The following ITPR1 variants were observed in gnomAD, a reference collection of about 807,000 sequenced individuals.
The protein encoded by ITPR1 is inositol 1,4,5-trisphosphate-gated calcium channel ITPR1.
In ITPR1, 96 loss-of-function variants were observed where a neutral mutation model predicts 318.4. The ratio of observed to expected loss-of-function variants is 0.30; its 90% CI spans 0.26 to 0.36. ITPR1 has a LOEUF of 0.36. Among genes scored for constraint, ITPR1 ranks in the 10% least tolerant of loss-of-function variants. The pLI is 1.00. For missense variants in ITPR1, 2,440 were observed against 3,460.2 expected (o/e 0.71, Z 7.40); for synonymous variants, 1,312 against 1,289.9 (o/e 1.02, Z -0.37).
chr3:4,724,115 G>A (rs865892357), intron 40 of ITPR1, among the ~76,000 whole-genome samples: 3 of 152,036 alleles, frequency 2.0e-5, no homozygotes, highest in Non-Finnish European at 4.4e-5. Flanking sequence ...TCCCCACCCC[G>A]AGCAGGAGGC....
At chr3:4,801,736 C>G (rs1450040570) in intron 54 of ITPR1, among the ~76,000 whole-genome samples, 1 of 151,766 alleles carries the variant, frequency 6.6e-6, no homozygotes, top group African/African-American at 2.4e-5. Flanking sequence ...TGCACTCCAG[C>G]CTGGGTGACA....
chr3:4,613,542 G>C (rs2092254989), intron 4 of ITPR1, among the ~76,000 whole-genome samples: 1 of 152,126 alleles, frequency 6.6e-6, no homozygotes, highest in Non-Finnish European at 1.5e-5. Context: ...GTTTCCTGTG[G>C]GTGACGCAAA....
At chr3:4,674,410 A>G in intron 22 of ITPR1, 67 bp downstream of exon 22, 1 of 1,343,664 alleles carries the variant, frequency 7.4e-7, no homozygotes, top group South Asian at 1.4e-5. Context: ...TATGGGGCAA[A>G]TAGAAAATAT....
chr3:4,655,585 G>A (rs73108502), intron 12 of ITPR1, among the ~76,000 whole-genome samples: 1,792 of 152,290 alleles, frequency 0.012, 35 homozygotes, highest in African/African-American at 0.041. Context: ...CTGCACAGCA[G>A]TGTATAAAAG....
In ITPR1 at chr3:4,676,674, G is replaced by A. The variant is rs749154645; in HGVS notation, c.2840G>A (p.Arg947Gln). Residue 947 changes from arginine (R) to glutamine (Q), a missense_variant, in exon 24 of 62, where the codon CGG becomes CAG. Arg to Gln is a conservative substitution (Grantham distance 43). Around this residue, in one of 23 missense-constraint regions of ITPR1, gnomAD observed 478 missense variants for 696.3 expected, o/e 0.69. Coordinates refer to ENST00000649015, the MANE Select transcript of ITPR1 (RefSeq NM_001378452.1). The part of the protein sequence containing the change: ...VGELMTQVVL[R>Q]GGGFLPMTPM... ...GAGCTGATGACCCAGGTGGTGCTCC[G>A]GGGAGGAGGCTTTTTGCCCATGACT... The A allele has an allele frequency of 1.9e-6, 3 of 1,613,678 alleles. No individual in the cohort carries two copies. The highest frequency in any genetic ancestry group is 2.5e-6 in the Non-Finnish European group (3 of 1,179,754).
At chr3:4,555,746 ATAC>A (rs2086058646) in intron 4 of ITPR1, among the ~76,000 whole-genome samples, 1 of 152,214 alleles carries the variant, frequency 6.6e-6, no homozygotes, top group Non-Finnish European at 1.5e-5. Flanking sequence ...ATCATGAGCA[ATAC>A]TACAATTTAC....
chr3:4,780,089 T>C (rs1317334136), intron 49 of ITPR1, among the ~76,000 whole-genome samples: 3 of 151,926 alleles, frequency 2.0e-5, no homozygotes, highest in Non-Finnish European at 4.4e-5. Flanking sequence ...ACCTTAGACT[T>C]CTCTGAGCTG....
In ITPR1 at chr3:4,525,390, G is replaced by A. The variant is rs531907823; in HGVS notation, c.163+4296G>A. Among the ~76,000 whole-genome samples the A allele has an allele frequency of 2.6e-5, 4 of 152,220 alleles. No homozygotes were observed. The South Asian group carries it at 6.2e-4, about 24-fold the overall frequency. On this transcript the variant is annotated intron_variant, in intron 4 of 61. Transcript: ENST00000649015. ...AGAAGATATAGAAGAGTTCAACATC[G>A]AACACACTTGCTTTTTTTTCTCTGA... is the stretch of plus-strand genomic sequence containing the variant.
At chr3:4,712,924 T>G (rs1388876779) in intron 39 of ITPR1, among the ~76,000 whole-genome samples, 1 of 152,184 alleles carries the variant, frequency 6.6e-6, no homozygotes, top group Non-Finnish European at 1.5e-5. Context: ...GAACATAGGT[T>G]TCTGTAACTC....
intron 61 of ITPR1, among the ~76,000 whole-genome samples, chr3:4,839,341 G>A (rs1229778820): frequency 4.7e-5 from 7 of 150,352 alleles, no homozygotes; most frequent in Non-Finnish European, 7.4e-5. Context: ...AAAAAAAAAA[G>A]AATAGAGGTA....
intron 44 of ITPR1, among the ~76,000 whole-genome samples, chr3:4,761,085 T>C (rs985826669): frequency 6.6e-6 from 1 of 152,226 alleles, no homozygotes; most frequent in African/African-American, 2.4e-5. Flanking sequence ...TTATAGTCCT[T>C]TTCTACTCAC....
chr3:4,600,611 T>C (rs1342740735), intron 4 of ITPR1, among the ~76,000 whole-genome samples: 2 of 152,196 alleles, frequency 1.3e-5, no homozygotes, highest in East Asian at 3.8e-4. Flanking sequence ...ATGTGAATGT[T>C]TGTGTCTTCT....
At chr3:4,717,267 G>T in intron 39 of ITPR1, 100 bp from the exon 40 acceptor site, 1 of 1,037,622 alleles carries the variant, frequency 9.6e-7, no homozygotes, top group Non-Finnish European at 1.5e-6. Context: ...AGGCTTTAAG[G>T]AGAAACGTCA....
intron 61 of ITPR1, among the ~76,000 whole-genome samples, chr3:4,842,428 C>G (rs192312461): frequency 1.6e-4 from 24 of 152,296 alleles, no homozygotes; most frequent in African/African-American, 5.5e-4. Flanking sequence ...AGTGCAGTGG[C>G]ACGATCTCAG....
At position 4,674,325 on chromosome 3, in the gene ITPR1, G is replaced by C; in HGVS notation, c.2580G>C (p.Lys860Asn). The change falls in exon 22 of 62, where the codon AAG becomes AAC. Residue 860 changes from lysine to asparagine, a missense_variant. Transcript: ENST00000649015. ...CQRFPFSDKE[K>N]NKLTFEVVNL... is the part of the protein sequence containing the mutation. Reference sequence around the variant, plus strand: ...GGTTCCCTTTCTCTGATAAAGAGAAGAATAAGCTTACGTTTGAGGTAACTC... The same window carrying C: ...GGTTCCCTTTCTCTGATAAAGAGAACAATAAGCTTACGTTTGAGGTAACTC... 1 of 1,607,410 alleles carries C rather than the reference G, an allele frequency of 6.2e-7. No homozygotes were observed. The highest frequency in any genetic ancestry group is 8.5e-7 in the Non-Finnish European group (1 of 1,176,550).
chr3:4,737,563 G>A (rs111978894), intron 44 of ITPR1, among the ~76,000 whole-genome samples: 23 of 152,334 alleles, frequency 1.5e-4, no homozygotes, highest in African/African-American at 5.5e-4. Flanking sequence ...AAGGGCCTTG[G>A]ATGGGGGTTG....
chr3:4,768,690 G>T lies in ITPR1; in HGVS notation c.5905G>T (p.Ala1969Ser). Residue 1969 changes from alanine (A) to serine (S), a missense_variant, in exon 46 of 62, where the codon GCG becomes TCG. Transcript: ENST00000649015. The part of the protein sequence containing the change: ...DKAKDDLEMS[A>S]VITIMQPILR... ...GGCCAAGGACGACCTGGAGATGAGC[G>T]CGGTCATCACCATCATGCAGCCCAT... 1.2e-6 allele frequency: 2 copies of T among 1,613,862 alleles called. No individual in the cohort carries two copies. The highest frequency in any genetic ancestry group is 1.7e-6 in the Non-Finnish European group (2 of 1,179,872).
chr3:4,634,890 C>T (rs1169055296), intron 5 of ITPR1, among the ~76,000 whole-genome samples: 2 of 152,184 alleles, frequency 1.3e-5, no homozygotes, highest in Non-Finnish European at 2.9e-5. Context: ...AGGCATGCAC[C>T]ACCACACCTG....
intron 4 of ITPR1, among the ~76,000 whole-genome samples, chr3:4,599,382 G>C (rs2091097844): frequency 6.6e-6 from 1 of 152,200 alleles, no homozygotes; most frequent in Non-Finnish European, 1.5e-5. Flanking sequence ...TACCCTTACA[G>C]TTTGGGAGAT....
Sources: gnomAD v4.1 joint callset for allele counts (sites outside exome capture counted in the v4.1 genomes callset) on GRCh38, gnomAD v4.1.1 for gene constraint, gnomAD v4.1.1 regional missense constraint, MANE v1.5 for transcripts, NCBI Gene and HGNC (gene_info 2026-07-23, HGNC 2026-07-21) for gene names.